POU2F3: variants seen among roughly 807,000 people sequenced by gnomAD.
The protein encoded by POU2F3 is POU domain, class 2, transcription factor 3.
A neutral mutation model predicts 59.2 loss-of-function variants in POU2F3; 23 were observed. The observed-to-expected ratio is 0.39, with a 90% CI of 0.28 to 0.55. The LOEUF is 0.55. Among genes scored for constraint, POU2F3 ranks in the 20% least tolerant of loss-of-function variants. The probability of loss-of-function intolerance (pLI) is 0.66; values close to 1 mark genes in which losing one functional copy is unlikely to be tolerated. For synonymous variants in POU2F3, 190 were observed against 214.6 expected (o/e 0.89, Z 1.00); for missense variants, 473 against 544.5 (o/e 0.87, Z 1.31).
At chr11:120,310,632 T>A (rs756522486) in intron 10 of POU2F3, among the ~76,000 whole-genome samples, 5 of 152,046 alleles carry the variant, frequency 3.3e-5, no homozygotes, top group Non-Finnish European at 5.9e-5. Flanking sequence ...GGGATGGTGA[T>A]GGTTGAAGGT....
intron 8 of POU2F3, 54 bp from the exon 9 acceptor site, chr11:120,307,425 A>T: frequency 6.3e-7 from 1 of 1,596,314 alleles, no homozygotes; most frequent in East Asian, 2.2e-5. Context: ...CCATGAAGGC[A>T]CCGGCCACTC....
intron 8 of POU2F3, among the ~76,000 whole-genome samples, chr11:120,306,537 AC>A (rs1304295207): frequency 6.6e-5 from 10 of 151,820 alleles, no homozygotes; most frequent in Non-Finnish European, 1.5e-4. Context: ...AGTAGCATCC[AC>A]CCCCAGTTGA....
In POU2F3 at chr11:120,264,456, T is replaced by C. The variant is rs139065760; in HGVS notation, c.98-4754T>C. Among the ~76,000 whole-genome samples, 776 of 152,336 alleles carry C rather than the reference T, an allele frequency of 5.1e-3. 3 individuals carry two copies. Among genetic ancestry groups the C allele is most frequent in the Non-Finnish European group, 8.0e-3 (543 of 68,040 alleles). ...TGCTTTGGATAAGCTTCTTGGAGAATGACTTTTAAGTTGGGTCTTGAAGGG... is the reference window on the plus strand; with the variant it reads ...TGCTTTGGATAAGCTTCTTGGAGAACGACTTTTAAGTTGGGTCTTGAAGGG... On this transcript the variant is annotated intron_variant, in intron 2 of 12. Transcript: ENST00000543440.
intron 2 of POU2F3, chr11:120,265,813 G>A (rs1939806148): frequency 6.6e-6 from 1 of 152,158 alleles, no homozygotes; most frequent in Non-Finnish European, 1.5e-5. Flanking sequence ...AATGCATATT[G>A]TCTCCTTTCT....
chr11:120,240,779 T>C (rs1938628778), intron 1 of POU2F3, among the ~76,000 whole-genome samples: 1 of 152,086 alleles, frequency 6.6e-6, no homozygotes, highest in Non-Finnish European at 1.5e-5. Flanking sequence ...TGTGTGCTGG[T>C]GTCCGGGCAT....
intron 2 of POU2F3, among the ~76,000 whole-genome samples, chr11:120,264,529 G>A (rs2135180564): frequency 6.6e-6 from 1 of 152,298 alleles, no homozygotes; most frequent in East Asian, 1.9e-4. Flanking sequence ...CTTTCAGAGG[G>A]AGCAGCATAT....
chr11:120,302,187 G>A, intron 5 of POU2F3, 99 bp from the exon 6 acceptor site: 1 of 994,964 alleles, frequency 1.0e-6, no homozygotes, highest in Non-Finnish European at 1.5e-6. Context: ...AGGTGGCAGG[G>A]GGTGGGGACA....
At chr11:120,311,661 C>T (rs978653710) in intron 10 of POU2F3, among the ~76,000 whole-genome samples, 2 of 152,108 alleles carry the variant, frequency 1.3e-5, no homozygotes, top group Non-Finnish European at 2.9e-5. Context: ...CTGCAGGATA[C>T]CCATGTGGGA....
chr11:120,318,425 T>C lies in POU2F3; in HGVS notation c.*33T>C. On this transcript the variant is annotated 3_prime_UTR_variant, in exon 13 of 13. Transcript: ENST00000543440. Reference sequence around the variant, plus strand: ...AAGTTTCTCCTACTCCAGCTGGCCCTGTATTCCCCCTGGAAGGAAGGGAAT... The same window carrying C: ...AAGTTTCTCCTACTCCAGCTGGCCCCGTATTCCCCCTGGAAGGAAGGGAAT... 2.6e-6 allele frequency: 4 copies of C among 1,548,110 alleles called. No individual in the cohort carries two copies. In the South Asian group the frequency reaches 3.3e-5, roughly 13 times the overall value.
At chr11:120,317,893 C>T (rs543350862) in intron 12 of POU2F3, among the ~76,000 whole-genome samples, 2 of 152,174 alleles carry the variant, frequency 1.3e-5, no homozygotes, top group African/African-American at 2.4e-5. Context: ...AGAGCTGATG[C>T]CTTGTGAAAG....
chr11:120,266,892 TC>T (rs1237075780), intron 2 of POU2F3, among the ~76,000 whole-genome samples: 2 of 152,220 alleles, frequency 1.3e-5, no homozygotes, highest in Non-Finnish European at 2.9e-5. Flanking sequence ...CAATATTGTA[TC>T]CCCAGTGCCT....
At chr11:120,298,479 G>A in intron 4 of POU2F3, 89 bp downstream of exon 4, 1 of 1,550,994 alleles carries the variant, frequency 6.4e-7, no homozygotes, top group Admixed American at 1.9e-5. Context: ...CTCGTCTAAA[G>A]AACCCCCTGC....
chr11:120,243,834 G>A (rs1037130277), intron 1 of POU2F3, among the ~76,000 whole-genome samples: 2 of 152,192 alleles, frequency 1.3e-5, no homozygotes, highest in Non-Finnish European at 2.9e-5. Context: ...TCCTGAAGTG[G>A]CACCTTGTTG....
chr11:120,239,109 C>G (rs1289824706), upstream of POU2F3, among the ~76,000 whole-genome samples: 1 of 152,102 alleles, frequency 6.6e-6, no homozygotes, highest in African/African-American at 2.4e-5. Flanking sequence ...GGTGTAGAGG[C>G]AGGAAAGCCC....
intron 3 of POU2F3, among the ~76,000 whole-genome samples, chr11:120,277,503 C>T (rs527955344): frequency 6.7e-6 from 1 of 149,244 alleles, no homozygotes; most frequent in Admixed American, 6.7e-5. Flanking sequence ...AGGCCAGGTG[C>T]GGTGCCTCAC....
At chr11:120,239,958 T>G (rs1306717829), upstream of POU2F3, among the ~76,000 whole-genome samples, 1 of 152,180 alleles carries the variant, frequency 6.6e-6, no homozygotes, top group African/African-American at 2.4e-5. Flanking sequence ...CCAGGCTGGG[T>G]TGGAGCAGGC....
At chr11:120,269,644 T>C (rs1939978895) in intron 3 of POU2F3, among the ~76,000 whole-genome samples, 1 of 151,960 alleles carries the variant, frequency 6.6e-6, no homozygotes, top group African/African-American at 2.4e-5. Context: ...CACAGAGAAT[T>C]CCTGATTTAA....
chr11:120,268,752 A>G (rs1360150992), intron 2 of POU2F3, among the ~76,000 whole-genome samples: 1 of 152,240 alleles, frequency 6.6e-6, no homozygotes, highest in African/African-American at 2.4e-5. Flanking sequence ...GACATACTTT[A>G]GGTGTCATCT....
intron 3 of POU2F3, among the ~76,000 whole-genome samples, chr11:120,271,272 A>G (rs1940057146): frequency 6.6e-6 from 1 of 152,228 alleles, no homozygotes; most frequent in South Asian, 2.1e-4. Context: ...ATTAAAAACT[A>G]CCAGGGGAGG....
Sources: allele counts gnomAD v4.1 joint callset (sites outside exome capture counted in the v4.1 genomes callset), GRCh38; gene constraint gnomAD v4.1.1; transcripts MANE v1.5; gene names NCBI Gene and HGNC (gene_info 2026-07-23, HGNC 2026-07-21).